SLC41A3: variants seen among roughly 807,000 people sequenced by gnomAD.
SLC41A3 encodes the protein SLC41A1-like 2.
SLC41A3 carries 44 observed loss-of-function variants against 45.4 expected under a neutral mutation model. That is an observed-to-expected ratio of 0.97 (90% CI 0.76 to 1.25). SLC41A3 has a LOEUF of 1.25. Ranked by LOEUF, SLC41A3 falls within the 50% of genes most tolerant of loss-of-function variation. The probability of loss-of-function intolerance (pLI) is 0.00; values close to 1 mark genes in which losing one functional copy is unlikely to be tolerated. For synonymous variants in SLC41A3, 256 were observed against 252.4 expected, an observed-to-expected ratio of 1.01 and a Z score of -0.13; for missense variants, 550 against 600.6, an observed-to-expected ratio of 0.92 and a Z score of 0.88.
In SLC41A3 at chr3:126,050,992, C is replaced by T; in HGVS notation, c.332G>A (p.Gly111Asp). The change falls in exon 3 of 11, where the codon GGC (glycine) becomes GAC (aspartate). Residue 111 changes from glycine to aspartate, a missense_variant. Physicochemically the swap from Gly to Asp is moderately conservative, Grantham distance 94. Transcript: ENST00000360370. ...DLLTLVPPLV[G>D]LKGNLEMTLA... ...TGTCATCTCCAGGTTCCCCTTCAGGCCCACCAGGGGCGGCACCAATGTCAA... is the reference window on the plus strand; with the variant it reads ...TGTCATCTCCAGGTTCCCCTTCAGGTCCACCAGGGGCGGCACCAATGTCAA... 2 of 1,612,672 alleles carry T rather than the reference C, an allele frequency of 1.2e-6. No homozygotes were observed. The highest frequency in any genetic ancestry group is 1.7e-6 in the Non-Finnish European group (2 of 1,179,376).
chr3:126,050,079 G>A (rs930143840), intron 3 of SLC41A3, among the ~76,000 whole-genome samples: 1 of 152,132 alleles, frequency 6.6e-6, no homozygotes, highest in African/African-American at 2.4e-5. Flanking sequence ...ATCCCAAGGG[G>A]CTTCTCTTAG....
At chr3:126,057,055 C>T in intron 2 of SLC41A3, 1 of 995,626 alleles carries the variant, frequency 1.0e-6, no homozygotes, top group Non-Finnish European at 1.2e-6. Flanking sequence ...CTGTTCCCCT[C>T]CTGGCAGAGG....
intron 1 of SLC41A3, among the ~76,000 whole-genome samples, chr3:126,075,796 G>C (rs896710830): frequency 3.9e-5 from 6 of 152,124 alleles, no homozygotes. Flanking sequence ...GAATGAATTT[G>C]AACCCCTACC....
intron 1 of SLC41A3, among the ~76,000 whole-genome samples, chr3:126,083,327 C>G (rs1945256951): frequency 6.6e-6 from 1 of 152,096 alleles, no homozygotes; most frequent in Non-Finnish European, 1.5e-5. Context: ...TTGAAAACCA[C>G]TGGTGTAAAA....
In SLC41A3 at chr3:126,007,213, G is replaced by T. The variant is rs371601677; in HGVS notation, c.1267C>A (p.Leu423Met). Reference sequence around the variant, plus strand: ...CGAACCATCACTTCTGCGAGGTACAGCAGGATTGTCACCTGTCAGAAGGGC... The same window carrying T: ...CGAACCATCACTTCTGCGAGGTACATCAGGATTGTCACCTGTCAGAAGGGC... The part of the protein sequence containing the change: ...LAGLIQVTIL[L>M]YLAEVMVRLT... The change falls in exon 11 of 11, where the codon CTG (leucine) becomes ATG (methionine). Residue 423 changes from leucine to methionine, a missense_variant. By Grantham distance (15) the Leu-to-Met change is conservative. Coordinates refer to ENST00000360370, the MANE Select transcript of SLC41A3 (RefSeq NM_017836.4). 4 of 1,613,804 alleles carry T rather than the reference G, an allele frequency of 2.5e-6. No individual in the cohort carries two copies. In the African/African-American group the frequency reaches 5.3e-5, roughly 22 times the overall value.
intron 2 of SLC41A3, among the ~76,000 whole-genome samples, chr3:126,056,097 C>T (rs1943640659): frequency 6.6e-6 from 1 of 152,188 alleles, no homozygotes; most frequent in Admixed American, 6.5e-5. Context: ...GGTTTGAGCT[C>T]CTTGGGCTGA....
intron 1 of SLC41A3, among the ~76,000 whole-genome samples, chr3:126,089,682 CA>C (rs1177997381): frequency 6.6e-6 from 1 of 152,152 alleles, no homozygotes; most frequent in Non-Finnish European, 1.5e-5. Flanking sequence ...TTCCCAATGA[CA>C]AAAACTAAAC....
intron 4 of SLC41A3, among the ~76,000 whole-genome samples, chr3:126,028,078 G>T (rs1704054427): frequency 6.6e-6 from 1 of 152,204 alleles, no homozygotes. Context: ...TTGCAGCCTG[G>T]CCATGCGGTA....
At chr3:126,036,553 C>T (rs1942205992) in intron 3 of SLC41A3, among the ~76,000 whole-genome samples, 1 of 152,156 alleles carries the variant, frequency 6.6e-6, no homozygotes, top group South Asian at 2.1e-4. Flanking sequence ...TCCCTCTGCC[C>T]CTTGAGAACT....
chr3:126,060,764 G>T (rs941739083), intron 2 of SLC41A3, among the ~76,000 whole-genome samples: 4 of 152,204 alleles, frequency 2.6e-5, no homozygotes, highest in African/African-American at 9.7e-5. Context: ...CAAAGAGCTT[G>T]AACTAGATTC....
chr3:126,094,629 T>A (rs778302472), intron 1 of SLC41A3, among the ~76,000 whole-genome samples: 6 of 152,236 alleles, frequency 3.9e-5, no homozygotes, highest in Non-Finnish European at 8.8e-5. Context: ...GACTGTTTCT[T>A]TACTATCCCT....
intron 8 of SLC41A3, among the ~76,000 whole-genome samples, chr3:126,013,968 C>T (rs547059331): frequency 6.6e-6 from 1 of 152,234 alleles, no homozygotes; most frequent in East Asian, 1.9e-4. Context: ...TCCGGGATCC[C>T]ACAGGGTATG....
chr3:126,084,610 C>T (rs1443020049), upstream of SLC41A3, among the ~76,000 whole-genome samples: 1 of 152,206 alleles, frequency 6.6e-6, no homozygotes, highest in Non-Finnish European at 1.5e-5. Flanking sequence ...ATAAATTCTC[C>T]TTTAAATACT....
At chr3:126,020,314 G>A (rs1023414194) in intron 6 of SLC41A3, among the ~76,000 whole-genome samples, 3 of 152,016 alleles carry the variant, frequency 2.0e-5, no homozygotes, top group African/African-American at 4.8e-5. Flanking sequence ...GGGAGGGGGG[G>A]CCTCAAAAAA....
intron 8 of SLC41A3, among the ~76,000 whole-genome samples, chr3:126,014,001 G>C (rs538964082): frequency 1.3e-5 from 2 of 152,130 alleles, no homozygotes; most frequent in Non-Finnish European, 2.9e-5. Context: ...AGCTCTGCCC[G>C]GGCCAGATGG....
chr3:126,040,100 T>C (rs1465666348), intron 3 of SLC41A3, among the ~76,000 whole-genome samples: 2 of 152,222 alleles, frequency 1.3e-5, no homozygotes, highest in Non-Finnish European at 2.9e-5. Context: ...GGGTGGGGCA[T>C]GTCAGGAAGC....
Position 126,006,993 on chromosome 3 carries a change from C to A in SLC41A3, c.*23G>T. On this transcript the variant is annotated 3_prime_UTR_variant, in exon 11 of 11. Coordinates refer to ENST00000360370, the MANE Select transcript of SLC41A3 (RefSeq NM_017836.4). ...TGATGTGAGAGGAAATTCTAATGAG[C>A]AAATGGGACCAGCGGGGCCCAGTTA... is the stretch of plus-strand genomic sequence containing the variant. 6.2e-7 allele frequency: 1 copy of A among 1,613,916 alleles called. No individual in the cohort carries two copies. Among genetic ancestry groups the A allele is most frequent in the Non-Finnish European group, 8.5e-7 (1 of 1,179,858 alleles).
intron 4 of SLC41A3, among the ~76,000 whole-genome samples, chr3:126,028,672 A>T (rs1232497978): frequency 6.6e-6 from 1 of 152,234 alleles, no homozygotes; most frequent in African/African-American, 2.4e-5. Context: ...CAGACCCCAG[A>T]ATGGTAGCTC....
At chr3:126,082,845 G>C (rs1162701013) in intron 1 of SLC41A3, among the ~76,000 whole-genome samples, 1 of 152,202 alleles carries the variant, frequency 6.6e-6, no homozygotes, top group South Asian at 2.1e-4. Context: ...CGTGATTCTG[G>C]AACTAATGGT....
Sources: gnomAD v4.1 joint callset for allele counts (sites outside exome capture counted in the v4.1 genomes callset) on GRCh38, gnomAD v4.1.1 for gene constraint, MANE v1.5 for transcripts, NCBI Gene and HGNC (gene_info 2026-07-23, HGNC 2026-07-21) for gene names.